Variants in ANGEL1 observed in about 807,000 individuals in gnomAD.
The protein encoded by ANGEL1 is RNA 2',3'-cyclic phosphatase ANGEL1.
ANGEL1 carries 62 observed loss-of-function variants against 76.4 expected under a neutral mutation model. The observed-to-expected ratio is 0.81, with a 90% CI of 0.66 to 1.00. The LOEUF (loss-of-function observed/expected upper bound fraction) is 1.00, where lower values mean the gene tolerates loss of function less well. ANGEL1 is among the 50% of genes least tolerant of loss of function. The pLI is 0.00. For synonymous variants in ANGEL1, 340 were observed against 331.7 expected, an observed-to-expected ratio of 1.03 and a Z score of -0.27; for missense variants, 737 against 836.7, an observed-to-expected ratio of 0.88 and a Z score of 1.47.
intron 9 of ANGEL1, among the ~76,000 whole-genome samples, chr14:76,789,829 G>C (rs536529919): frequency 3.3e-5 from 5 of 150,552 alleles, no homozygotes; most frequent in African/African-American, 1.2e-4. Flanking sequence ...TGAGTAGCTG[G>C]GATTATAGGT....
chr14:76,805,998 T>C (rs1894906502), intron 5 of ANGEL1, among the ~76,000 whole-genome samples: 2 of 152,192 alleles, frequency 1.3e-5, no homozygotes, highest in Admixed American at 6.5e-5. Flanking sequence ...TAAACACTGA[T>C]TACAATATCA....
chr14:76,791,429 T>C (rs1894402769), intron 7 of ANGEL1, 63 bp from the exon 8 acceptor site: 2 of 1,500,138 alleles, frequency 1.3e-6, no homozygotes, highest in East Asian at 2.3e-5. Context: ...GATCAGAACC[T>C]TTCACCCTAA....
At chr14:76,811,482 C>A (rs1895079325) in intron 1 of ANGEL1, among the ~76,000 whole-genome samples, 1 of 132,928 alleles carries the variant, frequency 7.5e-6, no homozygotes, top group African/African-American at 2.8e-5. Context: ...CCAAATATGC[C>A]AAGTAAATAT....
At chr14:76,797,453 A>G (rs1280199064) in intron 7 of ANGEL1, among the ~76,000 whole-genome samples, 1 of 152,176 alleles carries the variant, frequency 6.6e-6, no homozygotes, top group Non-Finnish European at 1.5e-5. Context: ...ACAAAAAATT[A>G]GCTGGGTGTG....
At chr14:76,790,387 C>T (rs1490264354) in intron 9 of ANGEL1, among the ~76,000 whole-genome samples, 2 of 152,160 alleles carry the variant, frequency 1.3e-5, no homozygotes, top group Non-Finnish European at 2.9e-5. Context: ...TTGGGAGTGA[C>T]TGTCCTACCC....
chr14:76,790,609 A>C lies in ANGEL1; in HGVS notation c.1852+2T>G, dbSNP rs776485919. ...GAGGAACCCAGGATCCATCAGGCTTACCAGTTCTGTTCCCATTCTCACAGG... is the reference window on the plus strand; with the variant it reads ...GAGGAACCCAGGATCCATCAGGCTTCCCAGTTCTGTTCCCATTCTCACAGG... On this transcript the variant is annotated splice_donor_variant, in intron 9 of 9. Transcript: ENST00000251089. LOFTEE classifies it high-confidence loss of function. The C allele has an allele frequency of 6.2e-7, 1 of 1,612,020 alleles. No individual in the cohort carries two copies. Among genetic ancestry groups the C allele is most frequent in the East Asian group, 2.2e-5 (1 of 44,846 alleles).
At chr14:76,806,961 C>A in intron 4 of ANGEL1, 112 bp from the exon 5 acceptor site, 1 of 1,206,914 alleles carries the variant, frequency 8.3e-7, no homozygotes, top group Non-Finnish European at 1.2e-6. Flanking sequence ...TCCTGCTACT[C>A]AGTAAAGGAG....
rs1426089108 is a variant in ANGEL1, at chr14:76,788,008, A to G, written c.*1220T>C. On this transcript the variant is annotated 3_prime_UTR_variant, in exon 10 of 10. Transcript: ENST00000251089. The stretch of plus-strand genomic sequence containing the variant: ...GCCAATCCGCAAGTACTGCCACTTC[A>G]AATTCTTGGACCAGTTTTGTCCAAG... 6.6e-6 allele frequency: 1 copy of G among 152,330 alleles called. No homozygotes were observed. The highest frequency in any genetic ancestry group is 6.5e-5 in the Admixed American group (1 of 15,290). The allele number at this position is 152,330 out of a possible 1,614,324, so 9.4% of individuals were successfully genotyped here.
chr14:76,789,295 T>A lies in ANGEL1; in HGVS notation c.1946A>T (p.Asn649Ile). The A allele has an allele frequency of 6.2e-7, 1 of 1,614,086 alleles. No homozygotes were observed. The highest frequency in any genetic ancestry group is 1.1e-5 in the South Asian group (1 of 91,070). The change falls in exon 10 of 10, where the codon AAC becomes ATC. Residue 649 changes from asparagine (N) to isoleucine (I), a missense_variant. This residue lies in a region of ANGEL1 where 296 missense variants were observed against 387.2 expected (regional missense o/e 0.76). Transcript: ENST00000251089. ...EILWAANGLP[N>I]PFCSSDHLCL... ...GAGGTGGTCTGAAGAGCAGAAGGGG[T>A]TGGGTAAGCCATTGGCAGCCCAGAG...
Position 76,809,263 on chromosome 14 carries a change from C to G in ANGEL1, c.445G>C (p.Ala149Pro), listed in dbSNP as rs1161688889. 1 of 1,613,298 alleles carries G rather than the reference C, an allele frequency of 6.2e-7. No homozygotes were observed. Among genetic ancestry groups the G allele is most frequent in the East Asian group, 2.2e-5 (1 of 44,854 alleles). The change falls in exon 2 of 10, where the codon GCT (alanine) becomes CCT (proline). Residue 149 changes from alanine (A) to proline (P), a missense_variant. Ala to Pro is a conservative substitution (Grantham distance 27). This residue lies in a region of ANGEL1 where 441 missense variants were observed against 449.5 expected (regional missense o/e 0.98). Coordinates refer to ENST00000251089, the MANE Select transcript of ANGEL1 (RefSeq NM_015305.4). ...TGGGGCTCCGACTGCATGGGGATAGCTGCCCACATGGAGCCCTCCACCCCC... is the reference window on the plus strand; with the variant it reads ...TGGGGCTCCGACTGCATGGGGATAGGTGCCCACATGGAGCCCTCCACCCCC... ...VEGVEGSMWA[A>P]IPMQSEPQYA...
At position 76,812,769 on chromosome 14, in the gene ANGEL1, A is replaced by G; in HGVS notation, c.59T>C (p.Leu20Pro). 2 of 1,521,628 alleles carry G rather than the reference A, an allele frequency of 1.3e-6. No homozygotes were observed. The highest frequency in any genetic ancestry group is 1.8e-6 in the Non-Finnish European group (2 of 1,139,564). 94.3% of individuals were successfully genotyped at this position (1,521,628 alleles called of 1,614,324 possible). The change falls in exon 1 of 10, where the codon CTC becomes CCC. Residue 20 changes from leucine to proline, a missense_variant. Physicochemically the swap from Leu to Pro is moderately conservative, Grantham distance 98. Transcript: ENST00000251089. ...LLPATRLFRA[L>P]SDAFFTCRKN... is the part of the protein sequence containing the mutation. ...TCGGTACGCCTGGCCGGTACCTGAG[A>G]GGGCGCGGAAGAGGCGCGTGGCCGG...
At chr14:76,794,410 G>A (rs1458911210) in intron 7 of ANGEL1, among the ~76,000 whole-genome samples, 1 of 152,044 alleles carries the variant, frequency 6.6e-6, no homozygotes, top group Non-Finnish European at 1.5e-5. Context: ...AGTGGCTCAC[G>A]CCTGTAATCC....
intron 7 of ANGEL1, among the ~76,000 whole-genome samples, chr14:76,796,607 A>T (rs1894585920): frequency 6.6e-6 from 1 of 152,182 alleles, no homozygotes; most frequent in Admixed American, 6.5e-5. Context: ...CTAACATATG[A>T]TCAATTCCTA....
chr14:76,792,518 A>C (rs999625416), intron 7 of ANGEL1, among the ~76,000 whole-genome samples: 2 of 152,250 alleles, frequency 1.3e-5, no homozygotes, highest in African/African-American at 4.8e-5. Context: ...CAAATCCAGC[A>C]AAATATAAAA....
intron 5 of ANGEL1, among the ~76,000 whole-genome samples, chr14:76,805,181 T>A (rs966216877): frequency 6.6e-6 from 1 of 152,156 alleles, no homozygotes; most frequent in Non-Finnish European, 1.5e-5. Flanking sequence ...AAAACACCTC[T>A]GAGGCAGGTC....
chr14:76,801,677 TC>T (rs2140221933), intron 7 of ANGEL1, among the ~76,000 whole-genome samples: 1 of 152,306 alleles, frequency 6.6e-6, no homozygotes, highest in South Asian at 2.1e-4. Context: ...TACCTTGTTT[TC>T]CACAGTTATC....
intron 7 of ANGEL1, among the ~76,000 whole-genome samples, chr14:76,800,282 G>A (rs1448316364): frequency 1.3e-5 from 2 of 152,158 alleles, no homozygotes; most frequent in African/African-American, 4.8e-5. Context: ...CTGAGCTACG[G>A]CTCCCCTGGC....
intron 7 of ANGEL1, among the ~76,000 whole-genome samples, chr14:76,794,402 T>G (rs1894513015): frequency 6.6e-6 from 1 of 152,176 alleles, no homozygotes; most frequent in Non-Finnish European, 1.5e-5. Flanking sequence ...CCAGGCGCAG[T>G]GGCTCACGCC....
Position 76,808,069 on chromosome 14 carries a change from G to C in ANGEL1, c.729C>G (p.Phe243Leu). 1.2e-6 allele frequency: 2 copies of C among 1,614,090 alleles called. No homozygotes were observed. Among genetic ancestry groups the C allele is most frequent in the South Asian group, 2.2e-5 (2 of 91,064 alleles). The change falls in exon 3 of 10, where the codon TTC (phenylalanine) becomes TTG (leucine). Residue 243 changes from phenylalanine to leucine, a missense_variant. Around this residue, in one of 2 missense-constraint regions of ANGEL1, gnomAD observed 441 missense variants for 449.5 expected, o/e 0.98. Transcript: ENST00000251089. ...TGTTATAAGACATCAGAGTGAACTG[G>C]AACTGAGGGCCATCTCCTGCCTTCA... ...QGLKAGDGPQ[F>L]QFTLMSYNIL...
Sources: allele counts gnomAD v4.1 joint callset (sites outside exome capture counted in the v4.1 genomes callset), GRCh38; gene constraint gnomAD v4.1.1; regional missense constraint gnomAD v4.1.1; transcripts MANE v1.5; gene names NCBI Gene and HGNC (gene_info 2026-07-23, HGNC 2026-07-21).